TTC6: variants seen among roughly 807,000 people sequenced by gnomAD.
TTC6 encodes the protein tetratricopeptide repeat domain 6.
TTC6 carries 172 observed loss-of-function variants against 210.4 expected under a neutral mutation model. The observed-to-expected ratio is 0.82, with a 90% CI of 0.72 to 0.93. The LOEUF (loss-of-function observed/expected upper bound fraction) is 0.93. TTC6 is among the 40% of genes least tolerant of loss of function. TTC6 has a pLI of 0.00. For synonymous variants in TTC6, 804 were observed against 819.6 expected (o/e 0.98, Z 0.32); for missense variants, 2,414 against 2,318.1 (o/e 1.04, Z -0.85).
intron 1 of TTC6, among the ~76,000 whole-genome samples, chr14:37,641,927 G>T (rs1426655374): frequency 1.3e-5 from 2 of 152,186 alleles, no homozygotes; most frequent in African/African-American, 4.8e-5. Flanking sequence ...GCATAGTTGA[G>T]ACTGGAACTA....
At chr14:37,743,167 A>T (rs2095926006) in intron 10 of TTC6, among the ~76,000 whole-genome samples, 1 of 152,178 alleles carries the variant, frequency 6.6e-6, no homozygotes, top group African/African-American at 2.4e-5. Context: ...CAAATGAAAA[A>T]CCATGAACCA....
chr14:37,602,792 A>G (rs1190145369), intron 1 of TTC6, among the ~76,000 whole-genome samples: 1 of 152,128 alleles, frequency 6.6e-6, no homozygotes, highest in East Asian at 1.9e-4. Context: ...CACCCACCTT[A>G]GAGACTCAGG....
chr14:37,608,942 G>T (rs1360903022), intron 2 of TTC6, among the ~76,000 whole-genome samples: 2 of 152,168 alleles, frequency 1.3e-5, no homozygotes, highest in Non-Finnish European at 2.9e-5. Context: ...GTGTTTCAAT[G>T]ACTACTTGAA....
Position 37,817,567 on chromosome 14 carries a change from C to T in TTC6, c.4690-11C>T. The T allele has an allele frequency of 6.2e-7, 1 of 1,612,178 alleles. No homozygotes were observed. On this transcript the variant is annotated splice_polypyrimidine_tract_variant and intron_variant, in intron 25 of 30. Transcript: ENST00000553443. The stretch of plus-strand genomic sequence containing the variant: ...TTGCAAAATTAACAAAAGCTTATAA[C>T]ATTATTTCAGGATTTTAAACAAGCT...
chr14:37,642,609 G>A (rs2095694078), intron 1 of TTC6, among the ~76,000 whole-genome samples: 1 of 152,142 alleles, frequency 6.6e-6, no homozygotes, highest in South Asian at 2.1e-4. Flanking sequence ...ATGGGCATGG[G>A]TTATATGAGT....
At chr14:37,817,175 C>T (rs1164254978) in intron 25 of TTC6, among the ~76,000 whole-genome samples, 9 of 152,208 alleles carry the variant, frequency 5.9e-5, no homozygotes, top group Admixed American at 3.3e-4. Flanking sequence ...CAAAGGTTCT[C>T]TCCCGGTACA....
intron 25 of TTC6, 113 bp downstream of exon 27, chr14:37,812,546 T>C (rs1279929282): frequency 2.9e-6 from 3 of 1,042,390 alleles, no homozygotes; most frequent in East Asian, 2.7e-5. Flanking sequence ...AGCTCAACTT[T>C]AGCAAGAATT....
At position 37,836,402 on chromosome 14, in the gene TTC6, A is replaced by G. The variant is rs182413274; in HGVS notation, c.5299-5043A>G. Reference sequence around the variant, plus strand: ...CAAGGCAAATAAAATTCCCAGGGCAATTTTCTATTTCCATAGATGTTTAAG... The same window carrying G: ...CAAGGCAAATAAAATTCCCAGGGCAGTTTTCTATTTCCATAGATGTTTAAG... On this transcript the variant is annotated intron_variant, in intron 29 of 30. Transcript: ENST00000553443. 2.1e-4 allele frequency among the ~76,000 whole-genome samples: 32 copies of G among 152,254 alleles called. No individual in the cohort carries two copies. The East Asian group carries it at 5.6e-3, about 27-fold the overall frequency.
At chr14:37,736,326 A>C (rs2095901550) in intron 8 of TTC6, among the ~76,000 whole-genome samples, 1 of 152,170 alleles carries the variant, frequency 6.6e-6, no homozygotes, top group Non-Finnish European at 1.5e-5. Flanking sequence ...GATCGAGGGC[A>C]ACAGTGGGAG....
chr14:37,673,524 G>T (rs905888085), intron 1 of TTC6, among the ~76,000 whole-genome samples: 4 of 152,082 alleles, frequency 2.6e-5, no homozygotes, highest in Non-Finnish European at 5.9e-5. Context: ...AACCTGGATT[G>T]CATGATGAAG....
chr14:37,683,046 G>A (rs988876177), intron 3 of TTC6, 82 bp downstream of exon 5: 1 of 1,300,670 alleles, frequency 7.7e-7, no homozygotes, highest in Non-Finnish European at 1.1e-6. Context: ...CCCAGGCAAG[G>A]ACCAACGTAT....
chr14:37,737,501 T>C (rs144038892), intron 8 of TTC6, among the ~76,000 whole-genome samples, 159 bp from the exon 11 acceptor site: 1 of 152,340 alleles, frequency 6.6e-6, no homozygotes, highest in East Asian at 1.9e-4. Context: ...TCTCTTCCTC[T>C]ATATAAAGTC....
At chr14:37,746,984 G>A (rs1414483457) in intron 10 of TTC6, among the ~76,000 whole-genome samples, 1 of 152,084 alleles carries the variant, frequency 6.6e-6, no homozygotes, top group South Asian at 2.1e-4. Flanking sequence ...TATTACCTTG[G>A]TGCACAAAGT....
intron 1 of TTC6, among the ~76,000 whole-genome samples, chr14:37,662,741 C>G (rs1212060995): frequency 6.6e-6 from 1 of 151,992 alleles, no homozygotes; most frequent in Non-Finnish European, 1.5e-5. Flanking sequence ...TATTTCTGGG[C>G]TCTCTATTCT....
intron 14 of TTC6, among the ~76,000 whole-genome samples, chr14:37,754,437 C>G (rs914776375): frequency 6.9e-6 from 1 of 145,854 alleles, no homozygotes; most frequent in Non-Finnish European, 1.5e-5. Flanking sequence ...TTCTTTCTTT[C>G]TTTTTTTTTT....
At chr14:37,728,615 GT>G (rs2095878569) in intron 7 of TTC6, among the ~76,000 whole-genome samples, 1 of 152,036 alleles carries the variant, frequency 6.6e-6, no homozygotes, top group Non-Finnish European at 1.5e-5. Context: ...ATATTTTTAG[GT>G]TAATACTTCT....
At chr14:37,743,391 A>G (rs2095926863) in intron 10 of TTC6, among the ~76,000 whole-genome samples, 1 of 152,226 alleles carries the variant, frequency 6.6e-6, no homozygotes, top group Non-Finnish European at 1.5e-5. Context: ...AAAGTTACAT[A>G]GCAAGATCTT....
intron 4 of TTC6, among the ~76,000 whole-genome samples, chr14:37,700,919 T>G (rs923065779): frequency 9.9e-5 from 15 of 152,202 alleles, no homozygotes; most frequent in African/African-American, 3.6e-4. Context: ...CTACCTATAT[T>G]GTTCCACTTC....
intron 2 of TTC6, among the ~76,000 whole-genome samples, chr14:37,613,728 C>T (rs1302008171): frequency 6.6e-6 from 1 of 151,842 alleles, no homozygotes; most frequent in Non-Finnish European, 1.5e-5. Flanking sequence ...CCCATTTCAT[C>T]TAAATTGTTA....
Sources: gnomAD v4.1 joint callset for allele counts (sites outside exome capture counted in the v4.1 genomes callset) on GRCh38, gnomAD v4.1.1 for gene constraint, MANE v1.5 for transcripts, NCBI Gene and HGNC (gene_info 2026-07-23, HGNC 2026-07-21) for gene names.